ASTN1: variants seen among roughly 807,000 people sequenced by gnomAD.
ASTN1 encodes astrotactin-1.
Under a neutral mutation model 140.7 loss-of-function variants are expected in ASTN1, and 41 were observed. That is an observed-to-expected ratio of 0.29 (90% CI 0.23 to 0.38). The LOEUF is 0.38. Among genes scored for constraint, ASTN1 ranks in the 10% least tolerant of loss-of-function variants. The probability of loss-of-function intolerance (pLI) is 1.00; values close to 1 mark genes in which losing one functional copy is unlikely to be tolerated. For missense variants in ASTN1, 1,479 were observed against 1,678.8 expected (o/e 0.88, Z 2.08); for synonymous variants, 640 against 652.2 (o/e 0.98, Z 0.29).
In ASTN1 at chr1:176,861,754, G is replaced by A. The variant is rs1278287872; in HGVS notation, c.*2530C>T. The stretch of plus-strand genomic sequence containing the variant: ...CTCAACGAGAAACAGGAGGAAGAAA[G>A]TCTTGGGGAAAGAGGAGGCCAAAAA... On this transcript the variant is annotated 3_prime_UTR_variant, in exon 23 of 23. Transcript: ENST00000361833. 1.0e-6 allele frequency: 1 copy of A among 985,360 alleles called. No homozygotes were observed. Among genetic ancestry groups the A allele is most frequent in the African/African-American group, 1.7e-5 (1 of 57,214 alleles). The allele number at this position is 985,360 out of a possible 1,614,324, so 61.0% of individuals were successfully genotyped here.
intron 10 of ASTN1, 110 bp from the exon 11 acceptor site, chr1:176,957,938 G>A: frequency 7.6e-7 from 1 of 1,320,282 alleles, no homozygotes; most frequent in Non-Finnish European, 1.0e-6. Context: ...GTCTCACTCT[G>A]TCTTATAAAA....
chr1:176,866,653 A>AAATAAT (rs61332732), intron 22 of ASTN1, among the ~76,000 whole-genome samples: 16,378 of 152,142 alleles, frequency 0.11, 1,028 homozygotes, highest in African/African-American at 0.18. Flanking sequence ...TGCTCACTTT[A>AAATAAT]AATAATAATA....
intron 16 of ASTN1, among the ~76,000 whole-genome samples, chr1:176,902,419 TGATC>T (rs752055089): frequency 4.7e-5 from 7 of 150,128 alleles, no homozygotes; most frequent in Non-Finnish European, 1.0e-4. Flanking sequence ...TTTTAAAAAT[TGATC>T]GATAACATAC....
chr1:177,037,652 G>T (rs1420495374), intron 2 of ASTN1, among the ~76,000 whole-genome samples: 2 of 152,148 alleles, frequency 1.3e-5, no homozygotes, highest in African/African-American at 2.4e-5. Context: ...CATTAAAAAA[G>T]AAACACTGAC....
rs1292383413 is a variant in ASTN1, at chr1:176,884,500, G to C, written c.3075-10C>G. ...CGTGGAGAGTCTCAGCCTGTGTGCA[G>C]ACAGGAAGGAACATGAAACAGGGAC... is the stretch of plus-strand genomic sequence containing the variant. On this transcript the variant is annotated splice_polypyrimidine_tract_variant and intron_variant, in intron 18 of 22. Transcript: ENST00000361833. The C allele has an allele frequency of 6.3e-7, 1 of 1,596,586 alleles. No homozygotes were observed. The highest frequency in any genetic ancestry group is 8.6e-7 in the Non-Finnish European group (1 of 1,166,254).
At chr1:177,142,845 T>C (rs990455434) in intron 1 of ASTN1, among the ~76,000 whole-genome samples, 2 of 144,668 alleles carry the variant, frequency 1.4e-5, no homozygotes, top group African/African-American at 2.7e-5. Context: ...AATGAGAACA[T>C]GCATGGGAAA....
intron 17 of ASTN1, among the ~76,000 whole-genome samples, chr1:176,894,285 T>G (rs577419973): frequency 9.4e-4 from 143 of 152,262 alleles, no homozygotes; most frequent in African/African-American, 3.3e-3. Flanking sequence ...TGATGGCAAA[T>G]GTTGTGCCTC....
At chr1:176,889,618 C>G (rs1425108162) in intron 17 of ASTN1, among the ~76,000 whole-genome samples, 1 of 152,212 alleles carries the variant, frequency 6.6e-6, no homozygotes, top group African/African-American at 2.4e-5. Flanking sequence ...AATAGTTAGA[C>G]TAAGGGTCCA....
chr1:176,882,217 C>T (rs1197491523), intron 20 of ASTN1, among the ~76,000 whole-genome samples: 3 of 152,250 alleles, frequency 2.0e-5, no homozygotes, highest in African/African-American at 2.4e-5. Flanking sequence ...CCATTTCTAA[C>T]ATTTCTAAAT....
intron 11 of ASTN1, among the ~76,000 whole-genome samples, chr1:176,952,274 A>AACAC (rs144279619): frequency 1.3e-5 from 2 of 149,634 alleles, no homozygotes; most frequent in Non-Finnish European, 1.5e-5. Context: ...CAAACACACA[A>AACAC]ACACACACAC....
intron 19 of ASTN1, among the ~76,000 whole-genome samples, chr1:176,883,231 C>CTTTT (rs55903122): frequency 2.3e-5 from 3 of 130,510 alleles, no homozygotes; most frequent in African/African-American, 2.9e-5. Context: ...CTGAGAGCTT[C>CTTTT]TTTTTTTTTT....
chr1:176,894,790 G>A lies in ASTN1; in HGVS notation c.2712C>T (p.Asp904=). The change falls in exon 17 of 23, where the codon GAC becomes GAT. Residue 904 remains aspartate (D), a synonymous_variant. Transcript: ENST00000361833. ...ATTCTGGGAATGTCAGCACCTTGGG[G>A]TCTCTTTCCCGCTCCTCAGACTCAT... ...PSDESEERER[D]PKVLTFPEYI... is the part of the protein sequence containing the mutation. The A allele has an allele frequency of 6.2e-7, 1 of 1,614,124 alleles. No individual in the cohort carries two copies. Among genetic ancestry groups the A allele is most frequent in the Non-Finnish European group, 8.5e-7 (1 of 1,180,034 alleles).
Position 176,905,170 on chromosome 1 carries a change from G to T in ASTN1, c.2672-10340C>A, listed in dbSNP as rs184658587. On this transcript the variant is annotated intron_variant, in intron 16 of 22. Coordinates refer to ENST00000361833, the MANE Select transcript of ASTN1 (RefSeq NM_004319.3). ...GGAACACCTGGATAGTTCTACAAAG[G>T]GTAAAACTGACAAACTGCCATTACT... is the stretch of plus-strand genomic sequence containing the variant. Among the ~76,000 whole-genome samples the T allele has an allele frequency of 5.7e-4, 86 of 152,206 alleles. 2 individuals are homozygous for T. The East Asian group carries it at 0.011, about 19-fold the overall frequency.
At chr1:176,877,805 A>G (rs1668625472) in intron 20 of ASTN1, among the ~76,000 whole-genome samples, 1 of 152,188 alleles carries the variant, frequency 6.6e-6, no homozygotes, top group African/African-American at 2.4e-5. Context: ...CTTTTGGCAC[A>G]GTTACAGGGA....
At chr1:176,889,230 G>A (rs1307011616) in intron 17 of ASTN1, among the ~76,000 whole-genome samples, 1 of 152,234 alleles carries the variant, frequency 6.6e-6, no homozygotes, top group Non-Finnish European at 1.5e-5. Context: ...CTTCAGTGGG[G>A]CGCTGCTGCC....
At chr1:177,156,284 C>A (rs12096344) in intron 1 of ASTN1, among the ~76,000 whole-genome samples, 21,552 of 144,920 alleles carry the variant, frequency 0.15, 3,254 homozygotes, top group African/African-American at 0.39. Context: ...AAAAAAAAAA[C>A]AAAAAACCCA....
intron 1 of ASTN1, among the ~76,000 whole-genome samples, chr1:177,093,226 G>A (rs114774374): frequency 0.039 from 5,981 of 152,230 alleles, 185 homozygotes; most frequent in Middle Eastern, 0.13. Context: ...TACTTAGTTG[G>A]ACTAGCATTC....
chr1:176,898,101 C>A (rs967418317), intron 16 of ASTN1, among the ~76,000 whole-genome samples: 1 of 152,118 alleles, frequency 6.6e-6, no homozygotes, highest in Non-Finnish European at 1.5e-5. Context: ...TGTTTTCTGG[C>A]GATCCCAATT....
intron 17 of ASTN1, among the ~76,000 whole-genome samples, chr1:176,890,145 A>G (rs1332641444): frequency 2.0e-5 from 3 of 152,246 alleles, no homozygotes; most frequent in East Asian, 1.9e-4. Context: ...CATAAATCTT[A>G]AAGTCAGATG....
Sources: allele counts gnomAD v4.1 joint callset (sites outside exome capture counted in the v4.1 genomes callset), GRCh38; gene constraint gnomAD v4.1.1; transcripts MANE v1.5; gene names NCBI Gene and HGNC (gene_info 2026-07-23, HGNC 2026-07-21).